PROX2: variants seen among roughly 807,000 people sequenced by gnomAD.
The protein encoded by PROX2 is prospero homeobox 2.
PROX2 carries 46 observed loss-of-function variants against 48.9 expected under a neutral mutation model. The observed-to-expected ratio is 0.94, with a 90% CI of 0.74 to 1.20. The LOEUF is 1.20. PROX2 is among the 50% of genes most tolerant of loss of function. The pLI is 0.00. For missense variants in PROX2, 663 were observed against 719.4 expected (o/e 0.92, Z 0.90); for synonymous variants, 260 against 276.6 (o/e 0.94, Z 0.60).
rs1245393388 is a variant in PROX2, at chr14:74,855,268, G to A, written c.1643C>T (p.Thr548Met). The change falls in exon 6 of 6, where the codon ACG (threonine) becomes ATG (methionine). Residue 548 changes from threonine (T) to methionine (M), a missense_variant. Thr to Met is a moderately conservative substitution (Grantham distance 81). Transcript: ENST00000556489. ...PDCFLEIASL[T>M]LQEFFRAVSA... is the part of the protein sequence containing the mutation. ...GACAGCCCTGAAGAACTCCTGTAAC[G>A]TCAAGCTGGCAATTTCCAAGAAGCA... 8.3e-6 allele frequency: 13 copies of A among 1,561,554 alleles called. No homozygotes were observed. The highest frequency in any genetic ancestry group is 2.4e-5 in the South Asian group (2 of 83,738).
At chr14:74,869,248 G>T (rs187159269) in intron 2 of PROX2, among the ~76,000 whole-genome samples, 31 of 152,070 alleles carry the variant, frequency 2.0e-4, no homozygotes, top group Non-Finnish European at 3.8e-4. Context: ...CTGACTGGGG[G>T]TAGAGAGGAG....
chr14:74,858,057 TG>T (rs1176378252), intron 4 of PROX2: 1 of 178,468 alleles, frequency 5.6e-6, no homozygotes, highest in African/African-American at 2.4e-5. Flanking sequence ...CCACTGTGCC[TG>T]GCCTATATTT....
chr14:74,861,542 A>G (rs1253939977), intron 3 of PROX2, among the ~76,000 whole-genome samples: 1 of 152,222 alleles, frequency 6.6e-6, no homozygotes, highest in Non-Finnish European at 1.5e-5. Context: ...TTAAGAGAGT[A>G]GTGTCTACTT....
chr14:74,855,010 T>G lies in PROX2; in HGVS notation c.*122A>C. The G allele has an allele frequency of 1.8e-6, 1 of 547,934 alleles. No homozygotes were observed. Among genetic ancestry groups the G allele is most frequent in the African/African-American group, 1.9e-5 (1 of 52,974 alleles). 33.9% of individuals were successfully genotyped at this position (547,934 alleles called of 1,614,324 possible). A position where few individuals can be genotyped will look rare whatever the true frequency, so the allele number is the denominator to read the frequency against. On this transcript the variant is annotated 3_prime_UTR_variant, in exon 6 of 6. Coordinates refer to ENST00000556489, the MANE Select transcript of PROX2 (RefSeq NM_001243007.2). Reference sequence around the variant, plus strand: ...TGATCAAAATGGTAATAGTACCTGTTTTGATAGAGGAGATTTCCTTGTGCC... The same window carrying G: ...TGATCAAAATGGTAATAGTACCTGTGTTGATAGAGGAGATTTCCTTGTGCC...
Position 74,874,541 on chromosome 14 carries a change from G to A in PROX2, c.-310+1354C>T, listed in dbSNP as rs756820728. On this transcript the variant is annotated intron_variant, in intron 1 of 5. Transcript: ENST00000556489. ...GCTGGGATTACAGGCGTGAGCCACC[G>A]CGCCCGGCCTATACAAATTTCCTAA... Among the ~76,000 whole-genome samples, 205 of 152,098 alleles carry A rather than the reference G, an allele frequency of 1.3e-3. 5 individuals carry two copies. Among genetic ancestry groups the A allele is most frequent in the Middle Eastern group, 0.01 (3 of 294 alleles).
intron 1 of PROX2, chr14:74,873,741 G>A (rs748168657): frequency 4.7e-5 from 22 of 465,484 alleles, no homozygotes; most frequent in African/African-American, 3.2e-4. Flanking sequence ...GGATGGATTC[G>A]AAAAGGCCAA....
intron 2 of PROX2, among the ~76,000 whole-genome samples, chr14:74,864,571 G>A (rs1266758201): frequency 6.6e-6 from 1 of 152,238 alleles, no homozygotes; most frequent in African/African-American, 2.4e-5. Context: ...GCAGGGTGCG[G>A]TGGCTCACGC....
intron 5 of PROX2, chr14:74,856,566 G>GC: frequency 3.7e-6 from 2 of 537,994 alleles, no homozygotes; most frequent in South Asian, 5.1e-5. Flanking sequence ...ACACCTGGCA[G>GC]CCCTCTCACT....
chr14:74,872,171 A>T (rs1435987056), intron 1 of PROX2, among the ~76,000 whole-genome samples: 4 of 152,238 alleles, frequency 2.6e-5, no homozygotes, highest in African/African-American at 7.2e-5. Flanking sequence ...TCCTTAGGTA[A>T]AAGGTACCTC....
At chr14:74,862,253 G>A (rs552829275) in intron 3 of PROX2, among the ~76,000 whole-genome samples, 16 of 152,346 alleles carry the variant, frequency 1.1e-4, no homozygotes, top group African/African-American at 3.8e-4. Context: ...CCCAGCTGGA[G>A]TGCAGTGGTG....
chr14:74,865,526 C>T (rs17183257), intron 2 of PROX2, among the ~76,000 whole-genome samples: 2,906 of 152,292 alleles, frequency 0.019, 45 homozygotes, highest in Non-Finnish European at 0.029. Flanking sequence ...CCAACCACGT[C>T]ACTTGCTTTC....
chr14:74,863,506 G>C lies in PROX2; in HGVS notation c.329C>G (p.Thr110Arg), dbSNP rs763779614. Residue 110 changes from threonine (T) to arginine (R), a missense_variant, in exon 3 of 6, where the codon ACA becomes AGA. Thr to Arg is a moderately conservative substitution (Grantham distance 71). Transcript: ENST00000556489. ...RERKRKQNLPTPQGLLMPAPA... is the reference protein window; with the variant it reads ...RERKRKQNLPRPQGLLMPAPA... ...GGCTGGCATCAGGAGGCCTTGCGGT[G>C]TGGGAAGGTTCTGCTTCCTCTTCCT... is the stretch of plus-strand genomic sequence containing the variant. 1 of 1,613,644 alleles carries C rather than the reference G, an allele frequency of 6.2e-7. No individual in the cohort carries two copies. The highest frequency in any genetic ancestry group is 8.5e-7 in the Non-Finnish European group (1 of 1,179,704).
intron 1 of PROX2, among the ~76,000 whole-genome samples, chr14:74,875,079 G>A (rs1883307264): frequency 6.6e-6 from 1 of 152,044 alleles, no homozygotes; most frequent in African/African-American, 2.4e-5. Context: ...CCGGGAGGTG[G>A]AGGTTGCAGT....
At chr14:74,869,162 A>G (rs1883150269) in intron 2 of PROX2, among the ~76,000 whole-genome samples, 1 of 152,200 alleles carries the variant, frequency 6.6e-6, no homozygotes, top group South Asian at 2.1e-4. Flanking sequence ...TCTAGAAGTG[A>G]AAATATTGCA....
At chr14:74,857,696 C>G (rs926519878) in intron 4 of PROX2, 1 of 151,868 alleles carries the variant, frequency 6.6e-6, no homozygotes, top group Non-Finnish European at 1.5e-5. Context: ...ATAAATTTGA[C>G]AGTGTCTGAC....
At position 74,856,995 on chromosome 14, in the gene PROX2, A is replaced by G. The variant is rs200953943; in HGVS notation, c.1414T>C (p.Phe472Leu). 135 of 1,613,674 alleles carry G rather than the reference A, an allele frequency of 8.4e-5. No homozygotes were observed. The highest frequency in any genetic ancestry group is 1.1e-5 in the Non-Finnish European group (13 of 1,179,722). ...ATCTGGGAGGTAATGCAGCGGTTGAACTGTACAAACAAGAGGTCCATCCAG... is the reference window on the plus strand; with the variant it reads ...ATCTGGGAGGTAATGCAGCGGTTGAGCTGTACAAACAAGAGGTCCATCCAG... ...LLKVYFPDVQFNRCITSQMIK... is the reference protein window; with the variant it reads ...LLKVYFPDVQLNRCITSQMIK... Residue 472 changes from phenylalanine (F) to leucine (L), a missense_variant and splice_region_variant, in exon 5 of 6, where the codon TTC becomes CTC. Transcript: ENST00000556489.
chr14:74,863,679 G>C lies in PROX2; in HGVS notation c.156C>G (p.Asp52Glu). ...WSQVPSSSPT[D>E]PEWFGDEHIQ... ...TGTGCTCATCACCAAACCATTCGGGGTCTGTAGGGCTGGAGCTGGGGACCT... is the reference window on the plus strand; with the variant it reads ...TGTGCTCATCACCAAACCATTCGGGCTCTGTAGGGCTGGAGCTGGGGACCT... The change falls in exon 3 of 6, where the codon GAC (aspartate) becomes GAG (glutamate). Residue 52 changes from aspartate (D) to glutamate (E), a missense_variant. Asp to Glu is a conservative substitution (Grantham distance 45). Transcript: ENST00000556489. 1.9e-6 allele frequency: 3 copies of C among 1,555,132 alleles called. No homozygotes were observed. Among genetic ancestry groups the C allele is most frequent in the African/African-American group, 1.4e-5 (1 of 73,456 alleles).
At chr14:74,855,850 G>T (rs2091738873) in intron 5 of PROX2, 1 of 152,092 alleles carries the variant, frequency 6.6e-6, no homozygotes, top group Non-Finnish European at 1.5e-5. Context: ...CTTGGCTTGG[G>T]GCTTGCTGCC....
At chr14:74,870,439 A>AAAAACACACACACACACACACAC (rs766736707) in intron 2 of PROX2, among the ~76,000 whole-genome samples, 1 of 29,936 alleles carries the variant, frequency 3.3e-5, no homozygotes, top group African/African-American at 2.4e-4. Context: ...AAAAAAAAAA[A>AAAAACACACACACACACACACAC]ATACACACAC....
Sources: gnomAD v4.1 joint callset for allele counts (sites outside exome capture counted in the v4.1 genomes callset) on GRCh38, gnomAD v4.1.1 for gene constraint, MANE v1.5 for transcripts, NCBI Gene and HGNC (gene_info 2026-07-23, HGNC 2026-07-21) for gene names.